FBXW4: variants seen among roughly 807,000 people sequenced by gnomAD.
FBXW4 encodes F-box/WD repeat-containing protein 4.
Under a neutral mutation model 61.8 loss-of-function variants are expected in FBXW4, and 40 were observed. That is an observed-to-expected ratio of 0.65 (90% confidence interval 0.50 to 0.84). The LOEUF is 0.84. FBXW4 is among the 40% of genes least tolerant of loss of function. The pLI, the probability that FBXW4 is intolerant of heterozygous loss-of-function variation, is 0.00. For synonymous variants in FBXW4, 311 were observed against 313.8 expected, an observed-to-expected ratio of 0.99 and a Z score of 0.10; for missense variants, 672 against 753.8, an observed-to-expected ratio of 0.89 and a Z score of 1.27.
Position 101,694,753 on chromosome 10 carries a change from C to T in FBXW4, c.353G>A (p.Gly118Glu), listed in dbSNP as rs532195262. 5.7e-5 allele frequency: 78 copies of T among 1,361,886 alleles called. 1 individual carries two copies. The African/African-American group carries it at 1.2e-3, about 20-fold the overall frequency. The allele number at this position is 1,361,886 out of a possible 1,614,324, so 84.4% of individuals were successfully genotyped here. A position where few individuals can be genotyped will look rare whatever the true frequency, so the allele number is the denominator to read the frequency against. ...AGKEAQGREY[G>E]KKEEWRVRAR... ...CCTGACCCTCCATTCCTCCTTCTTC[C>T]CATACTCTCTTCCTTGTGCCTCCTT... The change falls in exon 1 of 9, where the codon GGG (glycine) becomes GAG (glutamate). Residue 118 changes from glycine (G) to glutamate (E), a missense_variant. This residue lies in a region of FBXW4 where 311 missense variants were observed against 301.1 expected (regional missense o/e 1.03). Transcript: ENST00000331272. The surrounding 1 kb of genome is among the most constrained non-coding windows in gnomAD (Gnocchi z 6.0).
At chr10:101,630,036 C>T (rs568313770) in intron 5 of FBXW4, among the ~76,000 whole-genome samples, 1 of 152,308 alleles carries the variant, frequency 6.6e-6, no homozygotes, top group South Asian at 2.1e-4. Flanking sequence ...GCCACCAGAG[C>T]TGTCACATCA....
intron 5 of FBXW4, among the ~76,000 whole-genome samples, chr10:101,662,804 T>C (rs2064257612): frequency 6.6e-6 from 1 of 152,086 alleles, no homozygotes; most frequent in Non-Finnish European, 1.5e-5. Context: ...ATGCCCCCCA[T>C]GGGTGGCTTG....
At chr10:101,612,645 C>G (rs891452451) in intron 6 of FBXW4, among the ~76,000 whole-genome samples, 168 bp from the exon 7 acceptor site, 1 of 152,132 alleles carries the variant, frequency 6.6e-6, no homozygotes. Context: ...CACCTCACCC[C>G]TGCCATGAGG....
chr10:101,634,108 G>A (rs1048516900), intron 5 of FBXW4, among the ~76,000 whole-genome samples: 21 of 151,376 alleles, frequency 1.4e-4, no homozygotes, highest in African/African-American at 3.6e-4. Flanking sequence ...GCAAGACTCC[G>A]TCTCAAAAAA....
intron 3 of FBXW4, 33 bp downstream of exon 3, chr10:101,673,454 GA>G: frequency 6.2e-7 from 1 of 1,610,640 alleles, no homozygotes; most frequent in Non-Finnish European, 8.5e-7. Flanking sequence ...GTATAAGATG[GA>G]AAAGGGTGGA....
intron 6 of FBXW4, among the ~76,000 whole-genome samples, chr10:101,616,146 T>C (rs1221839118): frequency 6.6e-6 from 1 of 152,102 alleles, no homozygotes; most frequent in African/African-American, 2.4e-5. Flanking sequence ...ATGTGCTACC[T>C]TGAAATGCAA....
intron 1 of FBXW4, among the ~76,000 whole-genome samples, chr10:101,687,568 T>A (rs2064546710): frequency 6.6e-6 from 1 of 152,110 alleles, no homozygotes; most frequent in African/African-American, 2.4e-5. Flanking sequence ...CTCTACCACC[T>A]CACAAGACCA....
intron 4 of FBXW4, among the ~76,000 whole-genome samples, chr10:101,668,625 A>G (rs1323476890): frequency 6.6e-6 from 1 of 152,210 alleles, no homozygotes; most frequent in Non-Finnish European, 1.5e-5. Context: ...TTAAGCTTCC[A>G]TATCTCCTAC....
intron 2 of FBXW4, among the ~76,000 whole-genome samples, chr10:101,674,340 A>AAT (rs397744866): frequency 2.0e-5 from 3 of 150,746 alleles, no homozygotes; most frequent in African/African-American, 7.3e-5. Flanking sequence ...AAAAAAAAAA[A>AAT]GAAAGAAAGA....
intron 1 of FBXW4, among the ~76,000 whole-genome samples, chr10:101,679,423 G>C (rs934701574): frequency 6.6e-6 from 1 of 152,040 alleles, no homozygotes; most frequent in Non-Finnish European, 1.5e-5. Flanking sequence ...TTGGAAATAA[G>C]CAATAAGCAA....
At chr10:101,655,665 G>A (rs2064178614) in intron 5 of FBXW4, among the ~76,000 whole-genome samples, 2 of 152,096 alleles carry the variant, frequency 1.3e-5, no homozygotes, top group Non-Finnish European at 2.9e-5. Flanking sequence ...TAAAGCTGCA[G>A]CTGCAACAAG....
intron 5 of FBXW4, among the ~76,000 whole-genome samples, chr10:101,631,725 T>C (rs2063959167): frequency 6.6e-6 from 1 of 151,874 alleles, no homozygotes; most frequent in Non-Finnish European, 1.5e-5. Flanking sequence ...TCTCCCAGGT[T>C]CAAGCAATTC....
intron 1 of FBXW4, among the ~76,000 whole-genome samples, chr10:101,693,209 T>A (rs1311355825): frequency 6.6e-6 from 1 of 152,260 alleles, no homozygotes; most frequent in Non-Finnish European, 1.5e-5. Context: ...CACTATAATT[T>A]GGTACAGCAC....
At chr10:101,628,888 C>A (rs1012721941) in intron 5 of FBXW4, among the ~76,000 whole-genome samples, 3 of 152,202 alleles carry the variant, frequency 2.0e-5, no homozygotes, top group African/African-American at 7.2e-5. Context: ...TAATTTCTCA[C>A]CCTGTCCCAG....
chr10:101,614,625 A>G (rs2063812578), intron 6 of FBXW4, among the ~76,000 whole-genome samples: 1 of 152,290 alleles, frequency 6.6e-6, no homozygotes, highest in Non-Finnish European at 1.5e-5. Flanking sequence ...GGGGCTGAGA[A>G]GTTTCTTTCT....
chr10:101,685,734 C>G (rs977026897), intron 1 of FBXW4, among the ~76,000 whole-genome samples: 1 of 152,086 alleles, frequency 6.6e-6, no homozygotes. Context: ...CTTTAATGTA[C>G]TATCAAAAAT....
intron 5 of FBXW4, among the ~76,000 whole-genome samples, chr10:101,655,691 A>G (rs1249646639): frequency 6.9e-6 from 1 of 144,938 alleles, no homozygotes; most frequent in Non-Finnish European, 1.5e-5. Context: ...AAATAGCAGG[A>G]GAAGGAAACA....
chr10:101,677,261 A>C (rs73351264), intron 1 of FBXW4, among the ~76,000 whole-genome samples: 3,951 of 152,314 alleles, frequency 0.026, 173 homozygotes, highest in African/African-American at 0.087. Flanking sequence ...CAAAAGTGGT[A>C]AACAGCCCAG....
chr10:101,683,986 C>T (rs2064505524), intron 1 of FBXW4, among the ~76,000 whole-genome samples: 1 of 152,080 alleles, frequency 6.6e-6, no homozygotes. Context: ...TTTTTTGAGA[C>T]AGGGTCTCAC....
Sources: gnomAD v4.1 joint callset for allele counts (sites outside exome capture counted in the v4.1 genomes callset) on GRCh38, gnomAD v4.1.1 for gene constraint, gnomAD v4.1.1 regional missense constraint, Gnocchi (gnomAD v3.1) non-coding constraint, MANE v1.5 for transcripts, NCBI Gene and HGNC (gene_info 2026-07-23, HGNC 2026-07-21) for gene names.